Variants in EIF2S2 observed in about 807,000 individuals in gnomAD.
EIF2S2 encodes the protein eukaryotic translation initiation factor 2 subunit 2.
A neutral mutation model predicts 44.0 loss-of-function variants in EIF2S2; 4 were observed. The observed-to-expected ratio is 0.09, with a 90% CI of 0.04 to 0.21. EIF2S2 has a LOEUF of 0.21. Among genes scored for constraint, EIF2S2 ranks in the 10% least tolerant of loss-of-function variants. EIF2S2 has a pLI of 1.00. For synonymous variants in EIF2S2, 108 were observed against 128.3 expected, an observed-to-expected ratio of 0.84 and a Z score of 1.07; for missense variants, 154 against 392.0, an observed-to-expected ratio of 0.39 and a Z score of 5.13.
At chr20:34,105,102 C>CA (rs2122429632) in intron 2 of EIF2S2, among the ~76,000 whole-genome samples, 1 of 152,286 alleles carries the variant, frequency 6.6e-6, no homozygotes, top group South Asian at 2.1e-4. Flanking sequence ...ATTAAAAAGT[C>CA]AGAGAAGAGA....
In EIF2S2 at chr20:34,089,611, C is replaced by G; in HGVS notation, c.*119G>C. 1.7e-6 allele frequency: 2 copies of G among 1,179,382 alleles called. No homozygotes were observed. Among genetic ancestry groups the G allele is most frequent in the Non-Finnish European group, 1.2e-6 (1 of 864,976 alleles). The allele number at this position is 1,179,382 out of a possible 1,614,324, so 73.1% of individuals were successfully genotyped here. Reference sequence around the variant, plus strand: ...TTGCAAGGACTTCAGACCAACCACTCGCCAAAAATCTTGGCAGCTTTTTTA... The same window carrying G: ...TTGCAAGGACTTCAGACCAACCACTGGCCAAAAATCTTGGCAGCTTTTTTA... On this transcript the variant is annotated 3_prime_UTR_variant, in exon 9 of 9. Coordinates refer to ENST00000374980, the MANE Select transcript of EIF2S2 (RefSeq NM_003908.5).
At chr20:34,108,674 T>C (rs1470813828) in intron 1 of EIF2S2, among the ~76,000 whole-genome samples, 1 of 152,224 alleles carries the variant, frequency 6.6e-6, no homozygotes, top group Admixed American at 6.5e-5. Context: ...AAATTTTCTA[T>C]TTTCAACTTC....
chr20:34,101,373 T>G (rs1473875544), intron 3 of EIF2S2, among the ~76,000 whole-genome samples: 1 of 151,904 alleles, frequency 6.6e-6, no homozygotes, highest in Non-Finnish European at 1.5e-5. Flanking sequence ...GAGACGGAGG[T>G]TGCAGTGAAC....
At chr20:34,093,796 A>C in intron 6 of EIF2S2, 65 bp from the exon 7 acceptor site, 1 of 1,399,632 alleles carries the variant, frequency 7.1e-7, no homozygotes, top group Non-Finnish European at 9.8e-7. Flanking sequence ...CTTCTAAAAA[A>C]TCTGTTCATT....
chr20:34,098,055 G>A (rs2034251282), intron 4 of EIF2S2, among the ~76,000 whole-genome samples: 1 of 152,132 alleles, frequency 6.6e-6, no homozygotes. Context: ...AGACCTGCCT[G>A]ACCAACATGG....
At chr20:34,100,019 A>C (rs190199884) in intron 3 of EIF2S2, among the ~76,000 whole-genome samples, 38 of 151,930 alleles carry the variant, frequency 2.5e-4, no homozygotes, top group South Asian at 4.2e-4. Flanking sequence ...TTTACTTCTT[A>C]TTATTATTAT....
At chr20:34,110,444 T>C (rs1274857314) in intron 1 of EIF2S2, among the ~76,000 whole-genome samples, 1 of 152,206 alleles carries the variant, frequency 6.6e-6, no homozygotes, top group Admixed American at 6.5e-5. Context: ...TGCATGATCT[T>C]GGACAAGTTA....
intron 7 of EIF2S2, among the ~76,000 whole-genome samples, chr20:34,090,865 A>G (rs922846536): frequency 6.6e-6 from 1 of 151,684 alleles, no homozygotes; most frequent in Admixed American, 6.6e-5. Flanking sequence ...CCTCCCACCT[A>G]AGCCTAGCAA....
intron 7 of EIF2S2, among the ~76,000 whole-genome samples, chr20:34,093,148 T>G (rs1342372645): frequency 6.6e-6 from 1 of 152,188 alleles, no homozygotes. Context: ...TCAAACTCAT[T>G]GGCATGGGGT....
intron 3 of EIF2S2, among the ~76,000 whole-genome samples, chr20:34,101,834 C>T (rs1372505216): frequency 2.6e-5 from 4 of 151,904 alleles, no homozygotes; most frequent in Non-Finnish European, 5.9e-5. Flanking sequence ...ACCACCACAC[C>T]CAGCTAATTT....
Position 34,089,734 on chromosome 20 carries a change from T to C in EIF2S2, c.998A>G (p.Asn333Ser). 1 of 1,606,138 alleles carries C rather than the reference T, an allele frequency of 6.2e-7. No homozygotes were observed. The highest frequency in any genetic ancestry group is 8.5e-7 in the Non-Finnish European group (1 of 1,176,920). The change falls in exon 9 of 9, where the codon AAC becomes AGC. Residue 333 changes from asparagine to serine, a missense_variant. By Grantham distance (46) the Asn-to-Ser change is conservative. This residue lies in a region of EIF2S2 where 20 missense variants were observed against 167.0 expected (regional missense o/e 0.12). Transcript: ENST00000374980. ...GKRAQLRAKA[N>S] ...GCAAAATCAGTGATTAGCAAATTAG[T>C]TAGCTTTGGCACGGAGCTGTGCTCG...
At chr20:34,107,330 C>T (rs1372416756) in intron 1 of EIF2S2, among the ~76,000 whole-genome samples, 2 of 152,182 alleles carry the variant, frequency 1.3e-5, no homozygotes, top group African/African-American at 4.8e-5. Flanking sequence ...CTGCTGTGGA[C>T]AGCGTTAATA....
At chr20:34,103,401 A>C (rs1013751341) in intron 3 of EIF2S2, 61 bp downstream of exon 3, 5 of 1,478,830 alleles carry the variant, frequency 3.4e-6, no homozygotes, top group Non-Finnish European at 4.5e-6. Context: ...AGAGGGAAAC[A>C]TCAGCCATTA....
intron 1 of EIF2S2, among the ~76,000 whole-genome samples, chr20:34,109,115 T>C (rs2034381748): frequency 6.6e-6 from 1 of 152,164 alleles, no homozygotes; most frequent in African/African-American, 2.4e-5. Context: ...CTGTTTTTCT[T>C]TGTATTCTTT....
chr20:34,096,751 C>T lies in EIF2S2; in HGVS notation c.589G>A (p.Gly197Arg). The T allele has an allele frequency of 6.2e-7, 1 of 1,612,058 alleles. No homozygotes were observed. The highest frequency in any genetic ancestry group is 1.1e-5 in the South Asian group (1 of 90,634). ...TTCATGACAAATTTCCTTTTCTCCC[C>T]AGCAACCATATCTGGATTCTTTTCC... is the stretch of plus-strand genomic sequence containing the variant. ...MREKNPDMVA[G>R]EKRKFVMKPP... Residue 197 changes from glycine (G) to arginine (R), a missense_variant, in exon 6 of 9, where the codon GGG (glycine) becomes AGG (arginine). Coordinates refer to ENST00000374980, the MANE Select transcript of EIF2S2 (RefSeq NM_003908.5).
chr20:34,098,773 C>T lies in EIF2S2; in HGVS notation c.298-140G>A. Reference sequence around the variant, plus strand: ...AAACTCCTGGCCTCAAGAGATCCTCCCGCCCTGGCCTCCCAAAATGCTGGG... The same window carrying T: ...AAACTCCTGGCCTCAAGAGATCCTCTCGCCCTGGCCTCCCAAAATGCTGGG... On this transcript the variant is annotated intron_variant, in intron 3 of 8. Transcript: ENST00000374980. 4.0e-6 allele frequency: 4 copies of T among 988,272 alleles called. No individual in the cohort carries two copies. In the South Asian group the frequency reaches 7.6e-5, roughly 19 times the overall value. The allele number at this position is 988,272 out of a possible 1,614,324, so 61.2% of individuals were successfully genotyped here.
intron 3 of EIF2S2, among the ~76,000 whole-genome samples, chr20:34,102,886 GTTAC>G (rs1352906258): frequency 3.3e-5 from 5 of 152,052 alleles, no homozygotes; most frequent in Admixed American, 1.3e-4. Context: ...CTGCCCACCT[GTTAC>G]TTACTCCCTG....
rs781574179 is a variant in EIF2S2, at chr20:34,103,579, G to A, written c.194-14C>T. The A allele has an allele frequency of 1.9e-6, 3 of 1,538,930 alleles. No homozygotes were observed. The highest frequency in any genetic ancestry group is 2.3e-5 in the East Asian group (1 of 42,984). On this transcript the variant is annotated splice_polypyrimidine_tract_variant and intron_variant, in intron 2 of 8. Coordinates refer to ENST00000374980, the MANE Select transcript of EIF2S2 (RefSeq NM_003908.5). The stretch of plus-strand genomic sequence containing the variant: ...CATCAGAAGCATCTAAAAAGACCAA[G>A]GCATAATTATTAACAACTAAAAGGC...
rs140822920 is a variant in EIF2S2, at chr20:34,091,490, T to C, written c.741-888A>G. On this transcript the variant is annotated intron_variant, in intron 7 of 8. Transcript: ENST00000374980. ...CAGCACTTTGGGAGGCTGAGGCGAGTTGATCACCTGAGGTCAGGTGTTCGA... is the reference window on the plus strand; with the variant it reads ...CAGCACTTTGGGAGGCTGAGGCGAGCTGATCACCTGAGGTCAGGTGTTCGA... 9.1e-3 allele frequency among the ~76,000 whole-genome samples: 1,387 copies of C among 151,786 alleles called. 14 individuals carry two copies. The highest frequency in any genetic ancestry group is 0.027 in the Middle Eastern group (8 of 294).
Sources: allele counts gnomAD v4.1 joint callset (sites outside exome capture counted in the v4.1 genomes callset), GRCh38; gene constraint gnomAD v4.1.1; regional missense constraint gnomAD v4.1.1; transcripts MANE v1.5; gene names NCBI Gene and HGNC (gene_info 2026-07-23, HGNC 2026-07-21).